The following ADAM9 variants were observed in gnomAD, a reference collection of about 807,000 sequenced individuals.
ADAM9 encodes disintegrin and metalloproteinase domain-containing protein 9.
A neutral mutation model predicts 108.1 loss-of-function variants in ADAM9; 54 were observed. The ratio of observed to expected loss-of-function variants is 0.50; its 90% CI spans 0.40 to 0.63. The LOEUF (loss-of-function observed/expected upper bound fraction) is 0.63, where lower values mean the gene tolerates loss of function less well. Among genes scored for constraint, ADAM9 ranks in the 20% least tolerant of loss-of-function variants. The pLI, the probability that ADAM9 is intolerant of heterozygous loss-of-function variation, is 0.00. For missense variants in ADAM9, 830 were observed against 997.7 expected, an observed-to-expected ratio of 0.83 and a Z score of 2.26; for synonymous variants, 316 against 336.0, an observed-to-expected ratio of 0.94 and a Z score of 0.65.
At chr8:39,045,363 G>GTGC (rs1588377826) in intron 12 of ADAM9, among the ~76,000 whole-genome samples, 1 of 40,166 alleles carries the variant, frequency 2.5e-5, no homozygotes, top group Non-Finnish European at 4.7e-5. Flanking sequence ...CATACATATA[G>GTGC]GTGTGTGTAC....
chr8:39,090,188 A>C lies in ADAM9; in HGVS notation c.2210A>C (p.Glu737Ala), dbSNP rs1278893177. The change falls in exon 19 of 22, where the codon GAG becomes GCG. Residue 737 changes from glutamate (E) to alanine (A), a missense_variant and splice_region_variant. This residue lies in a region of ADAM9 where 238 missense variants were observed against 235.7 expected (regional missense o/e 1.01). Transcript: ENST00000487273. The part of the protein sequence containing the change: ...YFRKKRSQTY[E>A]SDGKNQANPS... The stretch of plus-strand genomic sequence containing the variant: ...AGAAAGAAGAGATCACAAACATATG[A>C]GTACTTAGATTTTTTTCTTTTAATT... 2.5e-6 allele frequency: 4 copies of C among 1,612,030 alleles called. No individual in the cohort carries two copies. The highest frequency in any genetic ancestry group is 3.4e-6 in the Non-Finnish European group (4 of 1,178,976).
intron 4 of ADAM9, 139 bp downstream of exon 4, chr8:39,014,182 T>TG: frequency 1.4e-6 from 1 of 713,884 alleles, no homozygotes; most frequent in Non-Finnish European, 2.4e-6. Flanking sequence ...TGGGTTATCT[T>TG]GGGAAAAGTG....
chr8:39,044,400 G>A (rs1837546897), intron 12 of ADAM9, among the ~76,000 whole-genome samples: 2 of 151,968 alleles, frequency 1.3e-5, no homozygotes, highest in Non-Finnish European at 2.9e-5. Flanking sequence ...CATATGTGTG[G>A]GTTTTTATTT....
Position 39,026,664 on chromosome 8 carries a change from C to G in ADAM9, c.997-13C>G, listed in dbSNP as rs1227738211. Reference sequence around the variant, plus strand: ...GTTCAGAAACCTAATTACTACCTTCCTGTTCTGAACAGTTTGGACAAATCA... The same window carrying G: ...GTTCAGAAACCTAATTACTACCTTCGTGTTCTGAACAGTTTGGACAAATCA... On this transcript the variant is annotated splice_polypyrimidine_tract_variant and intron_variant, in intron 10 of 21. Coordinates refer to ENST00000487273, the MANE Select transcript of ADAM9 (RefSeq NM_003816.3). 1 of 1,614,106 alleles carries G rather than the reference C, an allele frequency of 6.2e-7. No homozygotes were observed. Among genetic ancestry groups the G allele is most frequent in the East Asian group, 2.2e-5 (1 of 44,868 alleles).
Position 39,103,594 on chromosome 8 carries a change from T to A in ADAM9, c.2367-13T>A, listed in dbSNP as rs1377885482. 6.2e-7 allele frequency: 1 copy of A among 1,613,140 alleles called. No individual in the cohort carries two copies. Among genetic ancestry groups the A allele is most frequent in the Admixed American group, 1.7e-5 (1 of 60,016 alleles). On this transcript the variant is annotated splice_polypyrimidine_tract_variant and intron_variant, in intron 21 of 21. Transcript: ENST00000487273. The stretch of plus-strand genomic sequence containing the variant: ...TCTAAACACTCTATTAACTATCTCT[T>A]TTCCCCTCGCAGGCCACCTCCACCA...
chr8:39,071,464 T>TG (rs1838687696), intron 15 of ADAM9, 61 bp downstream of exon 15: 1 of 882,860 alleles, frequency 1.1e-6, no homozygotes, highest in African/African-American at 2.1e-5. Flanking sequence ...ATCTCTAGTA[T>TG]CTTTTTTTTT....
At chr8:39,076,371 A>T (rs1327206406) in intron 15 of ADAM9, 2 of 152,232 alleles carry the variant, frequency 1.3e-5, no homozygotes, top group Admixed American at 6.5e-5. Context: ...AAGATCTGGG[A>T]CCAATGAGGA....
intron 5 of ADAM9, chr8:39,016,939 G>C (rs1317531080): frequency 2.3e-6 from 1 of 432,428 alleles, no homozygotes; most frequent in Non-Finnish European, 4.3e-6. Context: ...TGGTCCGGAT[G>C]CCACATTCTT....
chr8:39,046,098 A>G (rs573025520), intron 12 of ADAM9, among the ~76,000 whole-genome samples: 48 of 152,164 alleles, frequency 3.2e-4, no homozygotes, highest in Admixed American at 5.2e-4. Context: ...ATTCCAATCC[A>G]TGAACATAGG....
chr8:39,060,565 T>C (rs1312791935), intron 14 of ADAM9, among the ~76,000 whole-genome samples: 1 of 152,230 alleles, frequency 6.6e-6, no homozygotes, highest in Non-Finnish European at 1.5e-5. Flanking sequence ...AGAAAGGATA[T>C]CTTGACATGT....
chr8:39,079,469 C>A (rs1371042333), intron 16 of ADAM9, among the ~76,000 whole-genome samples: 1 of 152,000 alleles, frequency 6.6e-6, no homozygotes, highest in Non-Finnish European at 1.5e-5. Context: ...ATATTGATAT[C>A]TCTTTTTCTA....
intron 20 of ADAM9, among the ~76,000 whole-genome samples, chr8:39,097,393 G>A (rs1437626561): frequency 5.7e-5 from 5 of 88,264 alleles, no homozygotes; most frequent in East Asian, 3.0e-4. Flanking sequence ...TGCAACCTCC[G>A]CCTCCCAGGT....
intron 3 of ADAM9, among the ~76,000 whole-genome samples, chr8:39,013,487 G>A (rs1318773924): frequency 6.7e-6 from 1 of 148,932 alleles, no homozygotes; most frequent in African/African-American, 2.5e-5. Context: ...GTCCGTTTAT[G>A]AGCTTTTTTT....
At chr8:39,099,668 T>TA (rs1215671425) in intron 20 of ADAM9, among the ~76,000 whole-genome samples, 10 of 152,070 alleles carry the variant, frequency 6.6e-5, no homozygotes, top group African/African-American at 2.4e-4. Context: ...AAAATTTTTT[T>TA]AAATTAATTT....
intron 1 of ADAM9, among the ~76,000 whole-genome samples, chr8:38,999,399 C>A (rs1052612181): frequency 4.6e-5 from 7 of 151,028 alleles, no homozygotes; most frequent in South Asian, 2.1e-4. Flanking sequence ...AGGTATGAAA[C>A]CTCTTCTGAT....
At chr8:39,089,134 A>G (rs1381484413) in intron 18 of ADAM9, among the ~76,000 whole-genome samples, 1 of 152,178 alleles carries the variant, frequency 6.6e-6, no homozygotes, top group Non-Finnish European at 1.5e-5. Context: ...CTGTAATCCC[A>G]GCTACTCGGG....
chr8:38,998,071 A>G (rs1399503484), intron 1 of ADAM9, among the ~76,000 whole-genome samples: 12 of 152,226 alleles, frequency 7.9e-5, no homozygotes, highest in Non-Finnish European at 1.6e-4. Context: ...TATTTTCTCT[A>G]TCAGCGACAG....
intron 20 of ADAM9, among the ~76,000 whole-genome samples, chr8:39,093,277 A>G (rs1839407613): frequency 6.6e-6 from 1 of 152,172 alleles, no homozygotes; most frequent in African/African-American, 2.4e-5. Context: ...AATGTTTCAT[A>G]GATTTCCTTG....
chr8:39,035,674 G>C (rs113505562), intron 11 of ADAM9, among the ~76,000 whole-genome samples: 6,584 of 152,060 alleles, frequency 0.043, 489 homozygotes, highest in African/African-American at 0.15. Flanking sequence ...AACATTAGCC[G>C]GGCATGGTGG....
Sources: gnomAD v4.1 joint callset for allele counts (sites outside exome capture counted in the v4.1 genomes callset) on GRCh38, gnomAD v4.1.1 for gene constraint, gnomAD v4.1.1 regional missense constraint, MANE v1.5 for transcripts, NCBI Gene and HGNC (gene_info 2026-07-23, HGNC 2026-07-21) for gene names.